The following HUWE1 variants were observed in gnomAD, a reference collection of about 807,000 sequenced individuals.
The protein encoded by HUWE1 is HECT, UBA and WWE domain containing E3 ubiquitin protein ligase 1.
In HUWE1, 18 loss-of-function variants were observed where a neutral mutation model predicts 299.4. The observed-to-expected ratio is 0.06, with a 90% CI of 0.04 to 0.09. The LOEUF (loss-of-function observed/expected upper bound fraction) is 0.09. HUWE1 is among the 10% of genes least tolerant of loss of function. HUWE1 has a pLI of 1.00. For synonymous variants in HUWE1, 1,317 were observed against 1,286.1 expected (o/e 1.02, Z -0.51); for missense variants, 1,832 against 3,462.3 (o/e 0.53, Z 11.82).
intron 29 of HUWE1, 46 bp downstream of exon 29, chrX:53,600,071 TA>T: frequency 9.1e-7 from 1 of 1,100,301 alleles, no homozygotes; most frequent in Non-Finnish European, 1.3e-6. Context: ...GTTTCAAGAC[TA>T]AGGGACTGAA....
At chrX:53,676,795 T>C (rs782150075) in intron 3 of HUWE1, among the ~76,000 whole-genome samples, 8 of 111,984 alleles carry the variant, frequency 7.1e-5, no homozygotes, top group Admixed American at 9.4e-5. Context: ...TATGGATGCA[T>C]AGTTATATAT....
At chrX:53,652,891 A>G (rs781955194) in intron 4 of HUWE1, among the ~76,000 whole-genome samples, 2 of 112,988 alleles carry the variant, frequency 1.8e-5, no homozygotes, top group African/African-American at 6.4e-5. Flanking sequence ...GTACAATGCT[A>G]AATGAAAAGG....
Position 53,570,724 on chromosome X carries a change from C to A in HUWE1, c.6313-897G>T, listed in dbSNP as rs782616134. On this transcript the variant is annotated intron_variant, in intron 47 of 83. Coordinates refer to ENST00000262854, the MANE Select transcript of HUWE1 (RefSeq NM_031407.7). ...TTATCTTAGAAACAAATTCTATTGT[C>A]ATTCAAGCAAATTTTGGATGAAAAT... is the stretch of plus-strand genomic sequence containing the variant. Among the ~76,000 whole-genome samples, 3 of 112,665 alleles carry A rather than the reference C, an allele frequency of 2.7e-5. No individual in the cohort carries two copies. The South Asian group carries it at 1.1e-3, about 41-fold the overall frequency.
At chrX:53,682,748 ACT>A (rs2070239276) in intron 2 of HUWE1, among the ~76,000 whole-genome samples, 1 of 111,076 alleles carries the variant, frequency 9.0e-6, no homozygotes, top group Non-Finnish European at 1.9e-5. Flanking sequence ...GGCTCCAGAA[ACT>A]CAGAGCAAGG....
chrX:53,599,496 A>C, intron 29 of HUWE1, among the ~76,000 whole-genome samples: 1 of 111,736 alleles, frequency 8.9e-6, no homozygotes, highest in South Asian at 3.8e-4. Flanking sequence ...GTATTACATT[A>C]AAGGGGAAAA....
intron 49 of HUWE1, among the ~76,000 whole-genome samples, chrX:53,567,207 C>A (rs1002815047): frequency 1.8e-5 from 2 of 111,617 alleles, no homozygotes; most frequent in Admixed American, 1.9e-4. Context: ...CCTGAAAGGA[C>A]AGGAAGGGAA....
intron 23 of HUWE1, among the ~76,000 whole-genome samples, chrX:53,609,594 T>A (rs1439900710): frequency 8.9e-6 from 1 of 112,491 alleles, no homozygotes; most frequent in Non-Finnish European, 1.9e-5. Flanking sequence ...ATGAGAAGGC[T>A]ACAACATGCC....
At chrX:53,597,219 G>A (rs2148536170) in intron 29 of HUWE1, among the ~76,000 whole-genome samples, 1 of 110,362 alleles carries the variant, frequency 9.1e-6, no homozygotes, top group Admixed American at 9.7e-5. Context: ...AGCAGCTTCT[G>A]ACAACCAACC....
At chrX:53,628,353 T>C (rs2066657411) in intron 15 of HUWE1, 140 bp downstream of exon 15, 1 of 631,665 alleles carries the variant, frequency 1.6e-6, no homozygotes, top group African/African-American at 2.3e-5. Context: ...CAAACTGGCC[T>C]TCTACTTAAG....
At chrX:53,611,096 C>T (rs2065433633) in intron 23 of HUWE1, among the ~76,000 whole-genome samples, 1 of 107,965 alleles carries the variant, frequency 9.3e-6, no homozygotes, top group South Asian at 4.2e-4. Flanking sequence ...GACTATAGTG[C>T]CTAAGTTTCC....
intron 3 of HUWE1, among the ~76,000 whole-genome samples, chrX:53,662,277 T>A (rs2069041993): frequency 8.9e-6 from 1 of 111,861 alleles, no homozygotes; most frequent in Non-Finnish European, 1.9e-5. Context: ...CCCTGCTATA[T>A]CACTTACTCA....
chrX:53,537,118 A>G lies in HUWE1; in HGVS notation c.12137+438T>C, dbSNP rs111397622. 501 of 226,367 alleles carry G rather than the reference A, an allele frequency of 2.2e-3. 2 individuals are homozygous for G. The highest frequency in any genetic ancestry group is 0.014 in the African/African-American group (483 of 34,763). 18.7% of individuals were successfully genotyped at this position (226,367 alleles called of 1,213,427 possible). ...CCCACACCACAAGAGATGGGGAGGA[A>G]TCATTAAACAACTCCAATAGGTCTT... On this transcript the variant is annotated intron_variant, in intron 78 of 83. Transcript: ENST00000262854.
intron 3 of HUWE1, among the ~76,000 whole-genome samples, chrX:53,677,138 A>C (rs1286099822): frequency 3.1e-5 from 3 of 95,717 alleles, no homozygotes; most frequent in African/African-American, 1.2e-4. Context: ...AAATTTATCA[A>C]GTCTCTGGAT....
intron 68 of HUWE1, 135 bp downstream of exon 68, chrX:53,547,538 A>C: frequency 1.0e-6 from 1 of 987,062 alleles, no homozygotes; most frequent in Non-Finnish European, 1.4e-6. Context: ...GAGGGTGAGA[A>C]TGAACACATT....
chrX:53,656,870 C>T (rs1557043256), intron 3 of HUWE1, among the ~76,000 whole-genome samples: 2 of 109,861 alleles, frequency 1.8e-5, no homozygotes, highest in African/African-American at 3.3e-5. Flanking sequence ...GAATAGAGAA[C>T]CCAGAAATAG....
At position 53,551,483 on chromosome X, in the gene HUWE1, G is replaced by A. The variant is rs1244473360; in HGVS notation, c.8882-3C>T. On this transcript the variant is annotated splice_region_variant and splice_polypyrimidine_tract_variant and intron_variant, in intron 63 of 83. Transcript: ENST00000262854. Reference sequence around the variant, plus strand: ...CACACCTTCAGGGAGACTGATACCTGAAGGGAGATATAACATGTAAAGGGA... The same window carrying A: ...CACACCTTCAGGGAGACTGATACCTAAAGGGAGATATAACATGTAAAGGGA... 3.4e-6 allele frequency: 4 copies of A among 1,181,752 alleles called. No homozygotes were observed. Among genetic ancestry groups the A allele is most frequent in the Admixed American group, 4.6e-5 (2 of 43,499 alleles).
chrX:53,671,852 G>A (rs782782884), intron 3 of HUWE1, among the ~76,000 whole-genome samples: 1 of 105,853 alleles, frequency 9.4e-6, no homozygotes, highest in African/African-American at 3.4e-5. Flanking sequence ...GACATGGAAC[G>A]GGTCAATACG....
chrX:53,604,189 G>A (rs1434838593), intron 26 of HUWE1, among the ~76,000 whole-genome samples: 1 of 111,654 alleles, frequency 9.0e-6, no homozygotes, highest in Non-Finnish European at 1.9e-5. Flanking sequence ...ATGGATTATG[G>A]ATTACAGGTC....
chrX:53,618,336 A>G (rs1433342592), intron 19 of HUWE1, among the ~76,000 whole-genome samples: 3 of 109,352 alleles, frequency 2.7e-5, no homozygotes, highest in Admixed American at 9.8e-5. Flanking sequence ...CTAGATACAG[A>G]AAAAAAAAAT....
Sources: allele counts gnomAD v4.1 joint callset (sites outside exome capture counted in the v4.1 genomes callset), GRCh38; gene constraint gnomAD v4.1.1; transcripts MANE v1.5; gene names NCBI Gene and HGNC (gene_info 2026-07-23, HGNC 2026-07-21).